The following ZNF566 variants were observed in gnomAD, a reference collection of about 807,000 sequenced individuals.
ZNF566 encodes zinc finger protein 566.
ZNF566 carries 27 observed loss-of-function variants against 32.8 expected under a neutral mutation model. The observed-to-expected ratio is 0.82, with a 90% CI of 0.61 to 1.14. The LOEUF is 1.14. ZNF566 is among the 50% of genes most tolerant of loss of function. The pLI is 0.00. For synonymous variants in ZNF566, 154 were observed against 159.5 expected, an observed-to-expected ratio of 0.97 and a Z score of 0.26; for missense variants, 402 against 490.4, an observed-to-expected ratio of 0.82 and a Z score of 1.70.
intron 2 of ZNF566, 82 bp from the exon 3 acceptor site, chr19:36,473,540 G>T: frequency 7.5e-7 from 1 of 1,341,986 alleles, no homozygotes; most frequent in Non-Finnish European, 1.0e-6. Flanking sequence ...AAAAGATTAA[G>T]GTAGAGGAAG....
intron 1 of ZNF566, among the ~76,000 whole-genome samples, chr19:36,477,596 T>C (rs1228205033): frequency 6.9e-6 from 1 of 144,980 alleles, no homozygotes; most frequent in Non-Finnish European, 1.5e-5. Context: ...TGGAGTGCAA[T>C]GGCGCGATCT....
At chr19:36,485,929 C>T (rs189692230) in intron 1 of ZNF566, among the ~76,000 whole-genome samples, 1 of 145,780 alleles carries the variant, frequency 6.9e-6, no homozygotes, top group Admixed American at 6.8e-5. Context: ...TGGTGCGCTC[C>T]TATAGTCCCA....
At chr19:36,453,440 T>A (rs1736305287) in intron 4 of ZNF566, among the ~76,000 whole-genome samples, 1 of 150,726 alleles carries the variant, frequency 6.6e-6, no homozygotes, top group African/African-American at 2.4e-5. Flanking sequence ...GCCACTGCAC[T>A]CCAGCCTGGG....
At chr19:36,484,624 C>G (rs2034112516) in intron 1 of ZNF566, among the ~76,000 whole-genome samples, 1 of 130,230 alleles carries the variant, frequency 7.7e-6, no homozygotes, top group Non-Finnish European at 1.6e-5. Context: ...GAGTCTCGCT[C>G]TGTCACCCAG....
chr19:36,449,724 G>T lies in ZNF566; in HGVS notation c.510C>A (p.Phe170Leu), dbSNP rs767143946. 1 of 1,614,102 alleles carries T rather than the reference G, an allele frequency of 6.2e-7. No homozygotes were observed. The highest frequency in any genetic ancestry group is 1.7e-5 in the Admixed American group (1 of 60,008). The change falls in exon 5 of 5, where the codon TTC becomes TTA. Residue 170 changes from phenylalanine to leucine, a missense_variant. By Grantham distance (22) the Phe-to-Leu change is conservative (BLOSUM62 0). Transcript: ENST00000452939. Reference sequence around the variant, plus strand: ...TTTTCCTATATTCTTTAGATGCACAGAATTTCTTTTTACTGTTAATGATTT... The same window carrying T: ...TTTTCCTATATTCTTTAGATGCACATAATTTCTTTTTACTGTTAATGATTT... The part of the protein sequence containing the change: ...LQQIINSKKK[F>L]CASKEYRKTF...
At chr19:36,468,493 C>T (rs1334553287) in intron 4 of ZNF566, among the ~76,000 whole-genome samples, 1 of 151,506 alleles carries the variant, frequency 6.6e-6, no homozygotes, top group Non-Finnish European at 1.5e-5. Context: ...GTAATTCTCA[C>T]AATTCGGGAG....
intron 4 of ZNF566, among the ~76,000 whole-genome samples, chr19:36,463,019 T>C (rs1182334068): frequency 7.3e-6 from 1 of 136,180 alleles, no homozygotes; most frequent in East Asian, 2.2e-4. Context: ...CTGCCAAAAC[T>C]GGAAGGCTTA....
intron 2 of ZNF566, 38 bp from the exon 3 acceptor site, chr19:36,473,496 T>C: frequency 6.7e-7 from 1 of 1,503,158 alleles, no homozygotes; most frequent in Non-Finnish European, 8.9e-7. Context: ...CATTAATTTT[T>C]TAAAAAGTAC....
At chr19:36,472,433 C>A (rs1409926980) in intron 4 of ZNF566, among the ~76,000 whole-genome samples, 1 of 152,166 alleles carries the variant, frequency 6.6e-6, no homozygotes, top group African/African-American at 2.4e-5. Flanking sequence ...AACTCTGCAG[C>A]ACCTAGCTGA....
chr19:36,452,647 G>A (rs2033186411), intron 4 of ZNF566, among the ~76,000 whole-genome samples: 2 of 151,184 alleles, frequency 1.3e-5, no homozygotes, highest in Non-Finnish European at 1.5e-5. Context: ...GACGTGAGAG[G>A]AAATCAACAC....
rs775810013 is a variant in ZNF566 at position 36,449,284 on chromosome 19, C to T, written c.950G>A (p.Gly317Asp). 1.9e-6 allele frequency: 3 copies of T among 1,614,018 alleles called. No individual in the cohort carries two copies. The African/African-American group carries it at 4.0e-5, about 22-fold the overall frequency. ...TTGTGAGCTCTGACTAAAGGCATTG[C>T]CACATTCCTTACATTCATAGGGTTT... ...GEKPYECKEC[G>D]NAFSQSSQLI... Residue 317 changes from glycine to aspartate, a missense_variant, in exon 5 of 5, where the codon GGC becomes GAC. Coordinates refer to ENST00000452939, the MANE Select transcript of ZNF566 (RefSeq NM_001145344.1).
rs1022582655 is a variant in ZNF566, at chr19:36,445,504, C to T, written c.*3473G>A. The T allele has an allele frequency of 4.6e-5, 7 of 152,174 alleles. No individual in the cohort carries two copies. Among genetic ancestry groups the T allele is most frequent in the African/African-American group, 1.7e-4 (7 of 41,438 alleles). 9.4% of individuals were successfully genotyped at this position (152,174 alleles called of 1,614,324 possible). On this transcript the variant is annotated 3_prime_UTR_variant, in exon 5 of 5. Transcript: ENST00000452939. ...CCTCTGAAATCTTCCAGAAGCAAAA[C>T]CTTCCTAGGAAACATAGAAAACACT...
chr19:36,475,227 G>A (rs914354256), intron 2 of ZNF566, among the ~76,000 whole-genome samples: 2 of 152,036 alleles, frequency 1.3e-5, no homozygotes, highest in African/African-American at 4.8e-5. Flanking sequence ...TGTATTTTTT[G>A]TAGAGATGGG....
Position 36,449,075 on chromosome 19 carries a change from TATG to T in ZNF566, c.1156_1158del (p.His386del). The T allele has an allele frequency of 6.2e-7, 1 of 1,614,086 alleles. No homozygotes were observed. Among genetic ancestry groups the T allele is most frequent in the Non-Finnish European group, 8.5e-7 (1 of 1,179,966 alleles). ...TAGGGTTTCTCACTAGTATGAATTC[TATG>T]ATGACTAATAAGCTGTGAACTCTGA... On this transcript the variant is annotated inframe_deletion, in exon 5 of 5. Transcript: ENST00000452939.
At chr19:36,470,379 C>A (rs577531100) in intron 4 of ZNF566, among the ~76,000 whole-genome samples, 2 of 152,180 alleles carry the variant, frequency 1.3e-5, no homozygotes, top group African/African-American at 2.4e-5. Flanking sequence ...CTTCCACAGG[C>A]TCTCCCTAAA....
At chr19:36,469,582 G>T (rs775320277) in intron 4 of ZNF566, among the ~76,000 whole-genome samples, 21 of 152,090 alleles carry the variant, frequency 1.4e-4, no homozygotes, top group Non-Finnish European at 2.8e-4. Flanking sequence ...CGACAATAGG[G>T]GTAGATTAGT....
At chr19:36,456,772 G>A (rs1392914828) in intron 4 of ZNF566, among the ~76,000 whole-genome samples, 1 of 152,064 alleles carries the variant, frequency 6.6e-6, no homozygotes, top group Non-Finnish European at 1.5e-5. Flanking sequence ...AAGATATTCT[G>A]CATTCATAAA....
intron 4 of ZNF566, among the ~76,000 whole-genome samples, chr19:36,452,231 G>T (rs2033176418): frequency 6.6e-6 from 1 of 151,542 alleles, no homozygotes; most frequent in South Asian, 2.1e-4. Flanking sequence ...ATTTGGTCTG[G>T]TTACAGAGGG....
Position 36,447,183 on chromosome 19 carries a change from G to C in ZNF566, c.*1794C>G, listed in dbSNP as rs1384944335. 1.3e-5 allele frequency: 2 copies of C among 152,034 alleles called. No homozygotes were observed. Among genetic ancestry groups the C allele is most frequent in the East Asian group, 3.9e-4 (2 of 5,188 alleles). 9.4% of individuals were successfully genotyped at this position (152,034 alleles called of 1,614,324 possible). A position where few individuals can be genotyped will look rare whatever the true frequency, so the allele number is the denominator to read the frequency against. On this transcript the variant is annotated 3_prime_UTR_variant, in exon 5 of 5. Transcript: ENST00000452939. Reference sequence around the variant, plus strand: ...GGCATGTGCCACCATGCCTGGCTAAGTTTTGTATTTTTGAGTAAAAATGGG... The same window carrying C: ...GGCATGTGCCACCATGCCTGGCTAACTTTTGTATTTTTGAGTAAAAATGGG...
Sources: gnomAD v4.1 joint callset for allele counts (sites outside exome capture counted in the v4.1 genomes callset) on GRCh38, gnomAD v4.1.1 for gene constraint, MANE v1.5 for transcripts, NCBI Gene and HGNC (gene_info 2026-07-23, HGNC 2026-07-21) for gene names.